OR4E2: variants seen among roughly 807,000 people sequenced by gnomAD.
OR4E2 encodes the protein olfactory receptor family 4 subfamily E member 2.
Under a neutral mutation model 11.0 loss-of-function variants are expected in OR4E2, and 9 were observed. The ratio of observed to expected loss-of-function variants is 0.82; its 90% CI spans 0.49 to 1.43. The LOEUF (loss-of-function observed/expected upper bound fraction) is 1.43, where lower values mean the gene tolerates loss of function less well. Among genes scored for constraint, OR4E2 ranks in the 40% most tolerant of loss-of-function variants. OR4E2 has a pLI of 0.00. For synonymous variants in OR4E2, 159 were observed against 147.3 expected (o/e 1.08, Z -0.57); for missense variants, 441 against 382.0 (o/e 1.15, Z -1.29).
At chr14:21,663,432 A>T (rs12884393) in intron 3 of OR4E2, among the ~76,000 whole-genome samples, 2 of 152,030 alleles carry the variant, frequency 1.3e-5, no homozygotes, top group Non-Finnish European at 2.9e-5. Context: ...GTGAGCCGAG[A>T]CCATGCCACT....
intron 2 of OR4E2, among the ~76,000 whole-genome samples, chr14:21,657,466 T>A (rs1880054521): frequency 9.2e-6 from 1 of 108,580 alleles, no homozygotes; most frequent in Non-Finnish European, 1.9e-5. Context: ...CTTCCTTCCT[T>A]CCTTCCTTCC....
chr14:21,662,973 T>C (rs942460372), intron 3 of OR4E2, among the ~76,000 whole-genome samples: 1 of 152,226 alleles, frequency 6.6e-6, no homozygotes, highest in Non-Finnish European at 1.5e-5. Context: ...AATATAACTT[T>C]AGTATTTATA....
At chr14:21,658,844 G>T (rs1382905735) in intron 2 of OR4E2, among the ~76,000 whole-genome samples, 4 of 151,818 alleles carry the variant, frequency 2.6e-5, no homozygotes, top group African/African-American at 9.7e-5. Context: ...AATATACGCA[G>T]TATACAATAC....
In OR4E2 at chr14:21,666,584, C is replaced by T. The variant is rs1408720101; in HGVS notation, c.*560C>T. The T allele has an allele frequency of 6.6e-6, 1 of 151,242 alleles. No homozygotes were observed. Among genetic ancestry groups the T allele is most frequent in the African/African-American group, 2.4e-5 (1 of 41,120 alleles). 9.4% of individuals were successfully genotyped at this position (151,242 alleles called of 1,614,324 possible). Reference sequence around the variant, plus strand: ...TTTTTTGAGACAGGAATTTTTTGTACTATTCCTGCAACTTCCTGTAAGTCT... The same window carrying T: ...TTTTTTGAGACAGGAATTTTTTGTATTATTCCTGCAACTTCCTGTAAGTCT... On this transcript the variant is annotated 3_prime_UTR_variant, in exon 4 of 4. Coordinates refer to ENST00000641524, the MANE Select transcript of OR4E2 (RefSeq NM_001001912.3).
Position 21,666,016 on chromosome 14 carries a change from T to G in OR4E2, c.934T>G (p.Tyr312Asp). 6.2e-7 allele frequency: 1 copy of G among 1,611,104 alleles called. No individual in the cohort carries two copies. The highest frequency in any genetic ancestry group is 1.1e-5 in the South Asian group (1 of 90,836). ...GAGACAAGTTTTTTTCACGAAATCATATACATAATGGGCACTGGGATTGCA... is the reference window on the plus strand; with the variant it reads ...GAGACAAGTTTTTTTCACGAAATCAGATACATAATGGGCACTGGGATTGCA... ...RQRQVFFTKS[Y>D]T is the part of the protein sequence containing the mutation. Residue 312 changes from tyrosine to aspartate, a missense_variant, in exon 4 of 4, where the codon TAT (tyrosine) becomes GAT (aspartate). Tyr to Asp is a radical substitution (Grantham distance 160). Coordinates refer to ENST00000641524, the MANE Select transcript of OR4E2 (RefSeq NM_001001912.3).
At chr14:21,661,560 G>T (rs776184836) in intron 3 of OR4E2, among the ~76,000 whole-genome samples, 1 of 152,230 alleles carries the variant, frequency 6.6e-6, no homozygotes, top group East Asian at 1.9e-4. Context: ...TATTAATAGT[G>T]CTGATGGGTC....
chr14:21,656,058 A>C (rs778376681), intron 1 of OR4E2, among the ~76,000 whole-genome samples: 1 of 152,052 alleles, frequency 6.6e-6, no homozygotes, highest in Non-Finnish European at 1.5e-5. Flanking sequence ...CAAGAGAATC[A>C]CTTGAGCCCA....
Position 21,665,396 on chromosome 14 carries a change from A to G in OR4E2, c.314A>G (p.His105Arg). The G allele has an allele frequency of 6.2e-7, 1 of 1,613,972 alleles. No homozygotes were observed. The highest frequency in any genetic ancestry group is 8.5e-7 in the Non-Finnish European group (1 of 1,179,982). ...TGCATCACACAGCTCTTCTTCCTAC[A>G]TCTCTTTGCCTGTGCCGAGATCTTT... ...DNCITQLFFL[H>R]LFACAEIFLL... The change falls in exon 4 of 4, where the codon CAT becomes CGT. Residue 105 changes from histidine (H) to arginine (R), a missense_variant. Coordinates refer to ENST00000641524, the MANE Select transcript of OR4E2 (RefSeq NM_001001912.3).
intron 2 of OR4E2, among the ~76,000 whole-genome samples, chr14:21,659,992 C>A (rs985289354): frequency 2.0e-5 from 3 of 151,864 alleles, no homozygotes; most frequent in South Asian, 2.1e-4. Context: ...TCAGCATAAA[C>A]CTTGTTGAGA....
At chr14:21,656,315 A>C (rs936062242) in intron 1 of OR4E2, among the ~76,000 whole-genome samples, 187 bp from the exon 2 acceptor site, 1 of 152,116 alleles carries the variant, frequency 6.6e-6, no homozygotes, top group Non-Finnish European at 1.5e-5. Context: ...AGCTGTGATC[A>C]TGCCACTGCA....
chr14:21,663,579 AATAG>A (rs1206432886), intron 3 of OR4E2, among the ~76,000 whole-genome samples: 4 of 152,210 alleles, frequency 2.6e-5, no homozygotes, highest in Non-Finnish European at 4.4e-5. Context: ...CCTGAGAGGG[AATAG>A]ATAGGCTTTG....
intron 2 of OR4E2, among the ~76,000 whole-genome samples, chr14:21,657,109 A>G (rs1042644194): frequency 5.3e-5 from 8 of 152,344 alleles, no homozygotes; most frequent in Admixed American, 4.6e-4. Flanking sequence ...TTACTGGCAG[A>G]TGGCCATTCA....
intron 3 of OR4E2, among the ~76,000 whole-genome samples, chr14:21,661,030 T>C (rs1030485018): frequency 6.6e-6 from 1 of 152,184 alleles, no homozygotes; most frequent in African/African-American, 2.4e-5. Context: ...GAACAAGCTA[T>C]GGGTATTCTT....
chr14:21,665,455 G>A lies in OR4E2; in HGVS notation c.373G>A (p.Ala125Thr). ...LIIMAYDRYV[A>T]ICTPLHYPNV... is the part of the protein sequence containing the mutation. ...CATTATGGCGTATGATCGTTACGTG[G>A]CTATCTGCACTCCACTCCACTACCC... Residue 125 changes from alanine to threonine, a missense_variant, in exon 4 of 4, where the codon GCT becomes ACT. Transcript: ENST00000641524. 1 of 1,613,986 alleles carries A rather than the reference G, an allele frequency of 6.2e-7. No homozygotes were observed. Among genetic ancestry groups the A allele is most frequent in the Non-Finnish European group, 8.5e-7 (1 of 1,179,956 alleles).
At chr14:21,655,959 T>TA (rs919182478) in intron 1 of OR4E2, among the ~76,000 whole-genome samples, 23 of 150,904 alleles carry the variant, frequency 1.5e-4, no homozygotes, top group Non-Finnish European at 2.5e-4. Flanking sequence ...GAAAAAGGAT[T>TA]AAAAAAAACC....
chr14:21,663,411 C>T (rs563301307), intron 3 of OR4E2, among the ~76,000 whole-genome samples: 9 of 151,878 alleles, frequency 5.9e-5, no homozygotes, highest in African/African-American at 1.4e-4. Context: ...ACCTGGAAGG[C>T]GGAGCTTGCA....
chr14:21,655,812 C>T (rs1244803636), intron 1 of OR4E2, among the ~76,000 whole-genome samples: 6 of 151,928 alleles, frequency 3.9e-5, no homozygotes, highest in Admixed American at 2.6e-4. Context: ...TTGTTGAATG[C>T]GTCTTAAAAT....
rs775696841 is a variant in OR4E2 at position 21,665,342 on chromosome 14, TAGAA to T, written c.268_271del (p.Lys90ProfsTer25). 7.4e-6 allele frequency: 12 copies of T among 1,614,082 alleles called. No homozygotes were observed. The South Asian group carries it at 1.3e-4, about 18-fold the overall frequency. ...CCTAAGATGTTGGAGGGTTTGCTTT[TAGAA>T]AGAAAGACCATTTCCTTTGACAACT... is the stretch of plus-strand genomic sequence containing the variant. On this transcript the variant is annotated frameshift_variant, in exon 4 of 4. Transcript: ENST00000641524. LOFTEE classifies it high-confidence loss of function.
chr14:21,663,056 G>T (rs886421460), intron 3 of OR4E2, among the ~76,000 whole-genome samples: 1 of 152,112 alleles, frequency 6.6e-6, no homozygotes, highest in Non-Finnish European at 1.5e-5. Context: ...GTGAAGGAAG[G>T]CTTGAGTTCT....
Sources: gnomAD v4.1 joint callset for allele counts (sites outside exome capture counted in the v4.1 genomes callset) on GRCh38, gnomAD v4.1.1 for gene constraint, MANE v1.5 for transcripts, NCBI Gene and HGNC (gene_info 2026-07-23, HGNC 2026-07-21) for gene names.